The following SP140L variants were observed in gnomAD, a reference collection of about 807,000 sequenced individuals.
SP140L encodes nuclear body protein SP140-like protein.
Under a neutral mutation model 84.3 loss-of-function variants are expected in SP140L, and 64 were observed. That is an observed-to-expected ratio of 0.76 (90% CI 0.62 to 0.94). SP140L has a LOEUF of 0.94. Ranked by LOEUF, SP140L falls within the 40% of genes least tolerant of loss-of-function variation. SP140L has a pLI of 0.00. For missense variants in SP140L, 628 were observed against 692.5 expected, an observed-to-expected ratio of 0.91 and a Z score of 1.05; for synonymous variants, 242 against 236.9, an observed-to-expected ratio of 1.02 and a Z score of -0.20.
At chr2:230,397,184 G>A (rs529757455) in intron 14 of SP140L, among the ~76,000 whole-genome samples, 1 of 152,248 alleles carries the variant, frequency 6.6e-6, no homozygotes, top group South Asian at 2.1e-4. Context: ...TCAAGTAAGG[G>A]GTATGGATGA....
intron 7 of SP140L, among the ~76,000 whole-genome samples, chr2:230,375,908 T>A (rs2061228082): frequency 1.3e-5 from 2 of 152,182 alleles, no homozygotes; most frequent in Non-Finnish European, 1.5e-5. Flanking sequence ...AATCTTTTAG[T>A]TTGATGCAGT....
intron 9 of SP140L, among the ~76,000 whole-genome samples, chr2:230,387,869 T>C (rs12694858): frequency 0.21 from 32,372 of 152,096 alleles, 3,856 homozygotes; most frequent in Non-Finnish European, 0.28. Context: ...TTCTTCTGAT[T>C]AGTTTCTTAG....
At chr2:230,368,618 T>A (rs1373234284) in intron 5 of SP140L, among the ~76,000 whole-genome samples, 2 of 152,218 alleles carry the variant, frequency 1.3e-5, no homozygotes, top group Non-Finnish European at 2.9e-5. Flanking sequence ...GTCTCATAAA[T>A]CCTGTAAGTG....
At chr2:230,352,992 CAT>C (rs1477938496) in intron 2 of SP140L, among the ~76,000 whole-genome samples, 1 of 151,898 alleles carries the variant, frequency 6.6e-6, no homozygotes, top group African/African-American at 2.4e-5. Context: ...AGTTTTATTT[CAT>C]ATAGAGTTTT....
intron 14 of SP140L, among the ~76,000 whole-genome samples, chr2:230,399,414 C>T (rs898540557): frequency 1.3e-5 from 2 of 152,330 alleles, no homozygotes; most frequent in African/African-American, 4.8e-5. Flanking sequence ...AGAGGGTCTC[C>T]ATCTTCAACA....
At chr2:230,385,115 C>G (rs934286004) in intron 8 of SP140L, 109 bp from the exon 9 acceptor site, 1 of 1,019,980 alleles carries the variant, frequency 9.8e-7, no homozygotes, top group Admixed American at 2.2e-5. Flanking sequence ...GACACCTGCT[C>G]GAGGGGATCC....
intron 2 of SP140L, among the ~76,000 whole-genome samples, chr2:230,342,936 T>C (rs1031610259): frequency 7.9e-5 from 12 of 152,352 alleles, no homozygotes; most frequent in Admixed American, 7.2e-4. Flanking sequence ...ACTTTGTGCT[T>C]AGTTTGCCTT....
At position 230,400,174 on chromosome 2, in the gene SP140L, G is replaced by T. The variant is rs765095030; in HGVS notation, c.1245G>T (p.Leu415=). The change falls in exon 15 of 19, where the codon CTG becomes CTT. Residue 415 remains leucine, a synonymous_variant. Coordinates refer to ENST00000415673, the MANE Select transcript of SP140L (RefSeq NM_138402.6). ...AGGTGTGCCGGGACGGAGGGGAGCT[G>T]TTCTGTTGCGACACTTGTTCAAGAG... ...ECEVCRDGGE[L]FCCDTCSRVF... 1 of 1,614,192 alleles carries T rather than the reference G, an allele frequency of 6.2e-7. No homozygotes were observed. Among genetic ancestry groups the T allele is most frequent in the Admixed American group, 1.7e-5 (1 of 60,028 alleles).
intron 6 of SP140L, 121 bp from the exon 7 acceptor site, chr2:230,371,477 G>A (rs969487765): frequency 5.3e-6 from 5 of 945,362 alleles, no homozygotes; most frequent in Non-Finnish European, 6.3e-6. Flanking sequence ...CTAGAAGAAA[G>A]AGAGAAATGA....
Position 230,402,986 on chromosome 2 carries a change from A to G in SP140L, c.*90A>G. ...AGAGCACTTGGGAAATAGCACATGC[A>G]GGGAGAGGCTTTTCTCTGAGCCTCC... On this transcript the variant is annotated 3_prime_UTR_variant, in exon 19 of 19. Transcript: ENST00000415673. 9.7e-7 allele frequency: 1 copy of G among 1,026,430 alleles called. No homozygotes were observed. Among genetic ancestry groups the G allele is most frequent in the South Asian group, 1.6e-5 (1 of 63,866 alleles). The allele number at this position is 1,026,430 out of a possible 1,614,324, so 63.6% of individuals were successfully genotyped here.
intron 6 of SP140L, 108 bp from the exon 7 acceptor site, chr2:230,371,490 A>T (rs1185042076): frequency 1.9e-6 from 2 of 1,039,632 alleles, no homozygotes; most frequent in Non-Finnish European, 2.8e-6. Context: ...AGAAATGAGT[A>T]ACCAAACATC....
intron 11 of SP140L, among the ~76,000 whole-genome samples, chr2:230,390,704 C>CT (rs771539762): frequency 7.2e-5 from 11 of 152,132 alleles, no homozygotes; most frequent in Non-Finnish European, 1.5e-4. Flanking sequence ...TTCATTGTGA[C>CT]TTTTTTTAAC....
intron 2 of SP140L, among the ~76,000 whole-genome samples, chr2:230,339,128 G>C (rs1462020588): frequency 6.7e-6 from 1 of 149,248 alleles, no homozygotes; most frequent in African/African-American, 2.5e-5. Flanking sequence ...TCTGGTCCTG[G>C]ACTCTTTTTG....
Position 230,401,370 on chromosome 2 carries a change from G to C in SP140L, c.1427G>C (p.Cys476Ser). ...TACGGCCTCTTTCTTTTGCAGAAAT[G>C]TGAGTTCCTCCTCTTGAAAGTCTAT... ...RQMCPEEQLK[C>S]EFLLLKVYCC... The change falls in exon 17 of 19, where the codon TGT (cysteine) becomes TCT (serine). Residue 476 changes from cysteine to serine, a missense_variant. This residue lies in a region of SP140L where 52 missense variants were observed against 87.0 expected (regional missense o/e 0.60). Coordinates refer to ENST00000415673, the MANE Select transcript of SP140L (RefSeq NM_138402.6). The C allele has an allele frequency of 2.5e-6, 4 of 1,576,742 alleles. No homozygotes were observed. In the South Asian group the frequency reaches 4.7e-5, roughly 18 times the overall value.
chr2:230,394,662 G>T (rs1051085938), intron 13 of SP140L, among the ~76,000 whole-genome samples: 1 of 152,222 alleles, frequency 6.6e-6, no homozygotes, highest in African/African-American at 2.4e-5. Context: ...CTATTCAGGG[G>T]TGCAACACTT....
rs1051256918 is a variant in SP140L at position 230,388,827 on chromosome 2, C to T, written c.859+194C>T. 7.8e-6 allele frequency: 4 copies of T among 509,934 alleles called. No individual in the cohort carries two copies. The African/African-American group carries it at 8.0e-5, about 10-fold the overall frequency. The allele number at this position is 509,934 out of a possible 1,614,324, so 31.6% of individuals were successfully genotyped here. On this transcript the variant is annotated intron_variant, in intron 10 of 18. Transcript: ENST00000415673. ...AGGAAGTAAGTTGGTGATGGATCTA[C>T]AACCAGACCCTGGGGCCCCAGGGGG...
intron 14 of SP140L, 129 bp from the exon 15 acceptor site, chr2:230,399,998 A>G (rs920750604): frequency 1.2e-5 from 11 of 883,026 alleles, no homozygotes; most frequent in Non-Finnish European, 1.7e-5. Flanking sequence ...TTTTTCCTTC[A>G]TATCCCAGGG....
intron 18 of SP140L, 92 bp from the exon 19 acceptor site, chr2:230,402,706 A>T (rs2149839491): frequency 1.0e-6 from 1 of 981,784 alleles, no homozygotes; most frequent in African/African-American, 1.7e-5. Flanking sequence ...TTTATTTTTT[A>T]AAGACAAGAG....
chr2:230,333,915 A>T (rs2059795421), intron 2 of SP140L, among the ~76,000 whole-genome samples: 1 of 152,052 alleles, frequency 6.6e-6, no homozygotes, highest in African/African-American at 2.4e-5. Context: ...CGTTTATAGC[A>T]TCTTGTTGTT....
Sources: allele counts gnomAD v4.1 joint callset (sites outside exome capture counted in the v4.1 genomes callset), GRCh38; gene constraint gnomAD v4.1.1; regional missense constraint gnomAD v4.1.1; transcripts MANE v1.5; gene names NCBI Gene and HGNC (gene_info 2026-07-23, HGNC 2026-07-21).